The following NHEJ1 variants were observed in gnomAD, a reference collection of about 807,000 sequenced individuals.
NHEJ1 encodes non-homologous end-joining factor 1.
Under a neutral mutation model 39.4 loss-of-function variants are expected in NHEJ1, and 22 were observed. The ratio of observed to expected loss-of-function variants is 0.56; its 90% CI spans 0.40 to 0.80. NHEJ1 has a LOEUF of 0.80. Among genes scored for constraint, NHEJ1 ranks in the 30% least tolerant of loss-of-function variants. NHEJ1 has a pLI of 0.00. For synonymous variants in NHEJ1, 154 were observed against 135.6 expected, an observed-to-expected ratio of 1.14 and a Z score of -0.94; for missense variants, 329 against 357.1, an observed-to-expected ratio of 0.92 and a Z score of 0.63.
At chr2:219,085,148 T>G (rs1353135177) in intron 5 of NHEJ1, among the ~76,000 whole-genome samples, 1 of 152,254 alleles carries the variant, frequency 6.6e-6, no homozygotes, top group East Asian at 1.9e-4. Flanking sequence ...CAAATGGTTT[T>G]TGATGGGATT....
intron 5 of NHEJ1, among the ~76,000 whole-genome samples, chr2:219,087,143 C>T (rs546751585): frequency 2.6e-5 from 4 of 152,294 alleles, no homozygotes; most frequent in South Asian, 2.1e-4. Context: ...GAAGGGGCTC[C>T]GACCAGCCTA....
At chr2:219,113,102 A>AC (rs1463126739) in intron 5 of NHEJ1, among the ~76,000 whole-genome samples, 1 of 152,192 alleles carries the variant, frequency 6.6e-6, no homozygotes, top group East Asian at 1.9e-4. Context: ...AAAGTACTTT[A>AC]CCTCCTCAGT....
intron 5 of NHEJ1, among the ~76,000 whole-genome samples, chr2:219,116,516 C>G (rs1949418051): frequency 6.6e-6 from 1 of 152,222 alleles, no homozygotes; most frequent in East Asian, 1.9e-4. Context: ...ACCACCACAC[C>G]TGGCTAATTT....
chr2:219,117,321 G>A (rs2106342856), intron 5 of NHEJ1, among the ~76,000 whole-genome samples: 1 of 152,256 alleles, frequency 6.6e-6, no homozygotes, highest in East Asian at 1.9e-4. Flanking sequence ...ACCTAGCCAG[G>A]CTACTCTGGA....
chr2:219,080,668 T>TATATATATATATGCTAATATATATAAGC (rs1559185964), intron 5 of NHEJ1, among the ~76,000 whole-genome samples: 2 of 16,340 alleles, frequency 1.2e-4, no homozygotes, highest in Non-Finnish European at 4.1e-4. Context: ...TATATAAGCT[T>TATATATATATATGCTAATATATATAAGC]TTATATATGC....
chr2:219,115,936 A>G (rs1449640171), intron 5 of NHEJ1, among the ~76,000 whole-genome samples: 1 of 152,168 alleles, frequency 6.6e-6, no homozygotes, highest in African/African-American at 2.4e-5. Flanking sequence ...GCTGGCCAAC[A>G]TGGTGAAACT....
chr2:219,104,651 C>A (rs1410302151), intron 5 of NHEJ1, among the ~76,000 whole-genome samples: 1 of 152,046 alleles, frequency 6.6e-6, no homozygotes, highest in Non-Finnish European at 1.5e-5. Context: ...TAAATAGACT[C>A]AAGACTAGAT....
rs141905117 is a variant in NHEJ1 at position 219,142,782 on chromosome 2, T to C, written c.588+3898A>G. On this transcript the variant is annotated intron_variant, in intron 5 of 7. Transcript: ENST00000356853. ...ACCCCCAGTCCTACAAAATGCCCTA[T>C]ATAGGGTTCTTGGCCTCCATGAAGA... 3.1e-3 allele frequency among the ~76,000 whole-genome samples: 468 copies of C among 152,342 alleles called. 4 individuals are homozygous for C. Among genetic ancestry groups the C allele is most frequent in the African/African-American group, 0.011 (442 of 41,574 alleles).
chr2:219,117,986 C>T (rs928022871), intron 5 of NHEJ1, among the ~76,000 whole-genome samples: 4 of 152,208 alleles, frequency 2.6e-5, no homozygotes, highest in African/African-American at 7.2e-5. Context: ...CATGCAAATA[C>T]AGCCTTTTTA....
intron 5 of NHEJ1, among the ~76,000 whole-genome samples, chr2:219,142,408 G>A (rs950327164): frequency 2.6e-5 from 4 of 152,176 alleles, no homozygotes; most frequent in South Asian, 4.1e-4. Flanking sequence ...GAGCCTGGCC[G>A]CGTCTGGTTT....
chr2:219,099,915 C>T (rs1032163174), intron 5 of NHEJ1, among the ~76,000 whole-genome samples: 1 of 151,972 alleles, frequency 6.6e-6, no homozygotes, highest in Non-Finnish European at 1.5e-5. Flanking sequence ...GCCCAGAAAC[C>T]GGGGAAGGGT....
At chr2:219,076,554 G>T in intron 7 of NHEJ1, 99 bp from the exon 8 acceptor site, 13 of 774,832 alleles carry the variant, frequency 1.7e-5, no homozygotes, top group Non-Finnish European at 2.2e-5. Flanking sequence ...GTTAGGATGA[G>T]GCCTTTTTTT....
chr2:219,128,399 G>A (rs993179858), intron 5 of NHEJ1, among the ~76,000 whole-genome samples: 1 of 152,134 alleles, frequency 6.6e-6, no homozygotes, highest in African/African-American at 2.4e-5. Context: ...CACTATTCTA[G>A]AAAGTTTTCA....
chr2:219,140,923 T>C (rs1949684611), intron 5 of NHEJ1, among the ~76,000 whole-genome samples: 2 of 152,192 alleles, frequency 1.3e-5, no homozygotes, highest in Non-Finnish European at 2.9e-5. Flanking sequence ...TTGAACTTTA[T>C]CCTGTAGGAA....
intron 5 of NHEJ1, among the ~76,000 whole-genome samples, chr2:219,084,393 G>A (rs912081381): frequency 1.3e-5 from 2 of 152,162 alleles, no homozygotes; most frequent in East Asian, 3.9e-4. Flanking sequence ...CTTCACTGGC[G>A]TCCCAAAGCA....
Position 219,129,976 on chromosome 2 carries a change from GT to G in NHEJ1, c.588+16703del, listed in dbSNP as rs11435116. On this transcript the variant is annotated intron_variant, in intron 5 of 7. Coordinates refer to ENST00000356853, the MANE Select transcript of NHEJ1 (RefSeq NM_024782.3). ...CAGACTAGCCTGTATTTTCTGTCCT[GT>G]TTTTTTTTTCTTTCTCCCTCTCTCA... Among the ~76,000 whole-genome samples the G allele has an allele frequency of 5.6e-5, 8 of 143,728 alleles. No homozygotes were observed. In the East Asian group the frequency reaches 1.0e-3, roughly 19 times the overall value. The allele number at this position is 143,728 out of a possible 152,430, so 94.3% of individuals were successfully genotyped here. A position where few individuals can be genotyped will look rare whatever the true frequency, so the allele number is the denominator to read the frequency against.
At chr2:219,101,560 G>A (rs1949260978) in intron 5 of NHEJ1, among the ~76,000 whole-genome samples, 1 of 151,832 alleles carries the variant, frequency 6.6e-6, no homozygotes, top group South Asian at 2.1e-4. Context: ...ACAGGAACTT[G>A]CCACTGTGCT....
chr2:219,109,520 C>T lies in NHEJ1; in HGVS notation c.589-31314G>A, dbSNP rs565827138. Among the ~76,000 whole-genome samples, 18 of 152,306 alleles carry T rather than the reference C, an allele frequency of 1.2e-4. No homozygotes were observed. In the South Asian group the frequency reaches 3.5e-3, roughly 30 times the overall value. On this transcript the variant is annotated intron_variant, in intron 5 of 7. Coordinates refer to ENST00000356853, the MANE Select transcript of NHEJ1 (RefSeq NM_024782.3). ...CTCCCTTGGGGACCCAGAGCCACAG[C>T]CTTCCCCCTAAAGCCACAGAGCTGA...
intron 5 of NHEJ1, among the ~76,000 whole-genome samples, chr2:219,079,767 C>T (rs967606241): frequency 1.1e-4 from 17 of 152,194 alleles, no homozygotes; most frequent in African/African-American, 2.9e-4. Flanking sequence ...CCCAAGACAC[C>T]GCCTTCAAAA....
Sources: allele counts gnomAD v4.1 joint callset (sites outside exome capture counted in the v4.1 genomes callset), GRCh38; gene constraint gnomAD v4.1.1; transcripts MANE v1.5; gene names NCBI Gene and HGNC (gene_info 2026-07-23, HGNC 2026-07-21).